MAML3: variants seen among roughly 807,000 people sequenced by gnomAD.
The protein encoded by MAML3 is mastermind-like protein 3.
In MAML3, 27 loss-of-function variants were observed where a neutral mutation model predicts 101.9. The observed-to-expected ratio is 0.27, with a 90% CI of 0.20 to 0.37. The LOEUF is 0.37. Among genes scored for constraint, MAML3 ranks in the 10% least tolerant of loss-of-function variants. The pLI is 1.00. For missense variants in MAML3, 1,316 were observed against 1,444.9 expected (o/e 0.91, Z 1.45); for synonymous variants, 501 against 555.9 (o/e 0.90, Z 1.39).
intron 1 of MAML3, among the ~76,000 whole-genome samples, chr4:140,076,850 G>GT (rs1272413032): frequency 2.0e-5 from 3 of 151,970 alleles, no homozygotes; most frequent in Non-Finnish European, 4.4e-5. Flanking sequence ...TCTCGTTTTT[G>GT]TTTTTTTGTT....
At chr4:139,859,456 C>T (rs1286238583) in intron 2 of MAML3, among the ~76,000 whole-genome samples, 1 of 151,860 alleles carries the variant, frequency 6.6e-6, no homozygotes, top group African/African-American at 2.4e-5. Context: ...ACCCACCTGC[C>T]TCGACCTCCC....
chr4:139,966,707 T>C (rs1734137717), intron 1 of MAML3, among the ~76,000 whole-genome samples: 1 of 152,226 alleles, frequency 6.6e-6, no homozygotes, highest in African/African-American at 2.4e-5. Context: ...CTAACATTAT[T>C]GTCACTAAAT....
intron 2 of MAML3, among the ~76,000 whole-genome samples, chr4:139,775,148 C>A (rs768425655): frequency 6.6e-6 from 1 of 152,200 alleles, no homozygotes; most frequent in Admixed American, 6.5e-5. Flanking sequence ...TATACTGCTC[C>A]TTCCTTAGCC....
intron 2 of MAML3, chr4:139,888,662 G>C (rs1209239054): frequency 5.4e-5 from 28 of 518,898 alleles, no homozygotes; most frequent in Admixed American, 4.5e-4. Context: ...TGGGAAAGTA[G>C]AGACTTTAAT....
chr4:139,945,971 A>G (rs1205101357), intron 1 of MAML3, among the ~76,000 whole-genome samples: 2 of 152,246 alleles, frequency 1.3e-5, no homozygotes, highest in Admixed American at 6.5e-5. Flanking sequence ...ACACCTTCTC[A>G]GTCCTGATTA....
At chr4:139,792,431 T>A (rs911709447) in intron 2 of MAML3, among the ~76,000 whole-genome samples, 1 of 152,216 alleles carries the variant, frequency 6.6e-6, no homozygotes, top group Non-Finnish European at 1.5e-5. Flanking sequence ...TAATTTATGA[T>A]CCTCATAAGG....
At chr4:139,728,946 A>G (rs1399463675) in intron 3 of MAML3, among the ~76,000 whole-genome samples, 1 of 152,122 alleles carries the variant, frequency 6.6e-6, no homozygotes, top group South Asian at 2.1e-4. Context: ...CACACCTGAG[A>G]TTTCCTGGGA....
At chr4:139,943,863 A>ATTTTTTTTTTTTTTTTTTTTTTT (rs1560844242) in intron 1 of MAML3, among the ~76,000 whole-genome samples, 1 of 75,612 alleles carries the variant, frequency 1.3e-5, no homozygotes, top group Non-Finnish European at 2.6e-5. Context: ...CCTAAAGACA[A>ATTTTTTTTTTTTTTTTTTTTTTT]CTTTTTTTTT....
chr4:140,118,517 G>A (rs1420948974), intron 1 of MAML3, among the ~76,000 whole-genome samples: 1 of 152,026 alleles, frequency 6.6e-6, no homozygotes, highest in Non-Finnish European at 1.5e-5. Flanking sequence ...CTATTCCAGG[G>A]TGAAAATACA....
At chr4:140,144,484 C>T (rs558255499) in intron 1 of MAML3, among the ~76,000 whole-genome samples, 4 of 147,880 alleles carry the variant, frequency 2.7e-5, no homozygotes, top group Non-Finnish European at 6.0e-5. Context: ...GGAGGTGGAT[C>T]GTGCCACTGC....
In MAML3 at chr4:140,133,113, A is replaced by G. The variant is rs987792585; in HGVS notation, c.468+19747T>C. 2.9e-5 allele frequency: 13 copies of G among 446,152 alleles called. No individual in the cohort carries two copies. The East Asian group carries it at 7.7e-4, about 26-fold the overall frequency. The allele number at this position is 446,152 out of a possible 1,614,324, so 27.6% of individuals were successfully genotyped here. A position where few individuals can be genotyped will look rare whatever the true frequency, so the allele number is the denominator to read the frequency against. On this transcript the variant is annotated intron_variant, in intron 1 of 4. Transcript: ENST00000509479. ...CACTATGTGCTGTTACATGCCATAT[A>G]CATGGTAAATATTTATTTACAGTGT...
At position 139,890,259 on chromosome 4, in the gene MAML3, T is replaced by C. The variant is rs1249821746; in HGVS notation, c.1177A>G (p.Ser393Gly). 1 of 1,613,736 alleles carries C rather than the reference T, an allele frequency of 6.2e-7. No individual in the cohort carries two copies. Among genetic ancestry groups the C allele is most frequent in the East Asian group, 2.2e-5 (1 of 44,866 alleles). ...PPFSTVSTAT[S>G]LPSVASTPAA... Reference sequence around the variant, plus strand: ...GGAGTGCTGGCAACAGAAGGTAAACTAGTGGCCGTGGAGACAGTAGAAAAG... The same window carrying C: ...GGAGTGCTGGCAACAGAAGGTAAACCAGTGGCCGTGGAGACAGTAGAAAAG... The change falls in exon 2 of 5, where the codon AGT (serine) becomes GGT (glycine). Residue 393 changes from serine to glycine, a missense_variant. Ser to Gly is a moderately conservative substitution (Grantham distance 56, BLOSUM62 0). Coordinates refer to ENST00000509479, the MANE Select transcript of MAML3 (RefSeq NM_018717.5). The surrounding 1 kb of genome is among the most constrained non-coding windows in gnomAD (Gnocchi z 4.1).
At chr4:140,151,393 G>A (rs1423680805) in intron 1 of MAML3, among the ~76,000 whole-genome samples, 2 of 151,892 alleles carry the variant, frequency 1.3e-5, no homozygotes, top group Admixed American at 6.6e-5. Context: ...GTGGGGGGAC[G>A]TGGGGAGCGA....
At position 139,827,597 on chromosome 4, in the gene MAML3, T is replaced by C. The variant is rs564651404; in HGVS notation, c.2079+61760A>G. ...ATGCCCAGAGTCAATTTTTTTCCAA[T>C]CCAATATCTTTGTTAATTAAGCATT... is the stretch of plus-strand genomic sequence containing the variant. On this transcript the variant is annotated intron_variant, in intron 2 of 4. Transcript: ENST00000509479. Among the ~76,000 whole-genome samples, 16 of 152,312 alleles carry C rather than the reference T, an allele frequency of 1.1e-4. No homozygotes were observed. The South Asian group carries it at 2.7e-3, about 26-fold the overall frequency.
intron 1 of MAML3, among the ~76,000 whole-genome samples, chr4:140,034,162 AG>A (rs1157872608): frequency 6.6e-6 from 1 of 152,226 alleles, no homozygotes; most frequent in Non-Finnish European, 1.5e-5. Flanking sequence ...AGGCAAGACG[AG>A]GACCCAGGGT....
At chr4:139,879,182 T>TTTG (rs1429855470) in intron 2 of MAML3, among the ~76,000 whole-genome samples, 5 of 152,298 alleles carry the variant, frequency 3.3e-5, no homozygotes, top group African/African-American at 9.6e-5. Flanking sequence ...TGTTTGTTTG[T>TTTG]TTTGCGCCCA....
chr4:139,765,575 G>GT (rs1267788571), intron 2 of MAML3, among the ~76,000 whole-genome samples: 1 of 152,134 alleles, frequency 6.6e-6, no homozygotes, highest in Admixed American at 6.5e-5. Flanking sequence ...TCATTTCAAG[G>GT]TTTTTTTGGA....
At chr4:139,808,655 T>C (rs1730741303) in intron 2 of MAML3, among the ~76,000 whole-genome samples, 1 of 152,300 alleles carries the variant, frequency 6.6e-6, no homozygotes, top group East Asian at 1.9e-4. Context: ...ATTCCCCCTC[T>C]TACCTTTGTG....
intron 1 of MAML3, among the ~76,000 whole-genome samples, chr4:139,954,628 G>A (rs1733885974): frequency 6.6e-6 from 1 of 152,220 alleles, no homozygotes; most frequent in Non-Finnish European, 1.5e-5. Context: ...CTGGTCTATG[G>A]CAGACTGCTT....
Sources: gnomAD v4.1 joint callset for allele counts (sites outside exome capture counted in the v4.1 genomes callset) on GRCh38, gnomAD v4.1.1 for gene constraint, Gnocchi (gnomAD v3.1) non-coding constraint, MANE v1.5 for transcripts, NCBI Gene and HGNC (gene_info 2026-07-23, HGNC 2026-07-21) for gene names.